Variants in ITPR2 observed in about 807,000 individuals in gnomAD.
The protein encoded by ITPR2 is inositol 1,4,5-trisphosphate-gated calcium channel ITPR2.
Under a neutral mutation model 317.1 loss-of-function variants are expected in ITPR2, and 207 were observed. That is an observed-to-expected ratio of 0.65 (90% CI 0.58 to 0.73). The LOEUF is 0.73. Among genes scored for constraint, ITPR2 ranks in the 30% least tolerant of loss-of-function variants. ITPR2 has a pLI of 0.00. For synonymous variants in ITPR2, 1,156 were observed against 1,149.1 expected (o/e 1.01, Z -0.12); for missense variants, 2,613 against 3,284.0 (o/e 0.80, Z 4.99).
intron 37 of ITPR2, among the ~76,000 whole-genome samples, chr12:26,502,415 A>T (rs1181639141): frequency 6.6e-6 from 1 of 152,248 alleles, no homozygotes; most frequent in Non-Finnish European, 1.5e-5. Flanking sequence ...AAGGAAAATG[A>T]CTGTATTCAC....
chr12:26,725,587 T>C (rs1394209975), intron 3 of ITPR2, 63 bp downstream of exon 3: 2 of 1,093,456 alleles, frequency 1.8e-6, no homozygotes, highest in Middle Eastern at 2.0e-4. Context: ...AAGCTCTAAA[T>C]ACATTTTTAT....
At chr12:26,455,747 T>C (rs531662217) in intron 45 of ITPR2, among the ~76,000 whole-genome samples, 1 of 152,268 alleles carries the variant, frequency 6.6e-6, no homozygotes, top group African/African-American at 2.4e-5. Context: ...AAGAAATATA[T>C]AACCTACTGG....
chr12:26,711,083 C>A, intron 9 of ITPR2, 90 bp downstream of exon 9: 1 of 784,308 alleles, frequency 1.3e-6, no homozygotes. Flanking sequence ...ATGACTGTTC[C>A]TGCAAATACG....
chr12:26,731,604 C>G (rs1456470365), intron 2 of ITPR2, among the ~76,000 whole-genome samples: 1 of 152,008 alleles, frequency 6.6e-6, no homozygotes, highest in African/African-American at 2.4e-5. Flanking sequence ...CAAGGCCAGC[C>G]TGGGCAACAA....
intron 37 of ITPR2, among the ~76,000 whole-genome samples, chr12:26,498,083 TC>T (rs543950562): frequency 5.3e-5 from 8 of 152,314 alleles, no homozygotes; most frequent in Non-Finnish European, 8.8e-5. Flanking sequence ...AGTTTGTTTA[TC>T]CTTGTAACAA....
At position 26,832,790 on chromosome 12, in the gene ITPR2, A is replaced by G; in HGVS notation, c.-9T>C. 1 of 1,593,678 alleles carries G rather than the reference A, an allele frequency of 6.3e-7. No individual in the cohort carries two copies. The highest frequency in any genetic ancestry group is 8.6e-7 in the Non-Finnish European group (1 of 1,168,378). ...GACATTTTCTCAGTCATGCTGCTTCATGTTCCACAGTGGACGTCCCTCTTC... is the reference window on the plus strand; with the variant it reads ...GACATTTTCTCAGTCATGCTGCTTCGTGTTCCACAGTGGACGTCCCTCTTC... On this transcript the variant is annotated 5_prime_UTR_variant, in exon 1 of 57. An upstream start codon of the reference 5' UTR is lost. Coordinates refer to ENST00000381340, the MANE Select transcript of ITPR2 (RefSeq NM_002223.4).
chr12:26,653,048 C>A (rs1947290802), intron 21 of ITPR2, among the ~76,000 whole-genome samples: 1 of 152,170 alleles, frequency 6.6e-6, no homozygotes, highest in Non-Finnish European at 1.5e-5. Flanking sequence ...TTACCATCTT[C>A]ATATCTCAGA....
At position 26,473,728 on chromosome 12, in the gene ITPR2, C is replaced by T. The variant is rs114879712; in HGVS notation, c.6342+1568G>A. 3.4e-3 allele frequency among the ~76,000 whole-genome samples: 512 copies of T among 152,210 alleles called. 1 individual carries two copies. Among genetic ancestry groups the T allele is most frequent in the African/African-American group, 0.012 (488 of 41,528 alleles). On this transcript the variant is annotated intron_variant, in intron 45 of 56. Transcript: ENST00000381340. ...TTTAATTCTCAGCCTGGGATTTTTT[C>T]CTTTCTACTCACATTCAATCTCTAG...
At chr12:26,492,934 T>C (rs1456180957) in intron 39 of ITPR2, among the ~76,000 whole-genome samples, 2 of 148,150 alleles carry the variant, frequency 1.3e-5, no homozygotes, top group Non-Finnish European at 1.5e-5. Context: ...TATATATATA[T>C]ATATATATAA....
At chr12:26,440,532 G>A (rs1266758710) in intron 46 of ITPR2, among the ~76,000 whole-genome samples, 1 of 152,020 alleles carries the variant, frequency 6.6e-6, no homozygotes, top group African/African-American at 2.4e-5. Context: ...TGTCACTGTG[G>A]TATTCTATTA....
chr12:26,713,406 A>G (rs767174545), intron 8 of ITPR2, among the ~76,000 whole-genome samples: 1 of 152,242 alleles, frequency 6.6e-6, no homozygotes, highest in Non-Finnish European at 1.5e-5. Flanking sequence ...CCACCGATAT[A>G]AACTGGCAAT....
At chr12:26,717,668 G>A (rs1948765319) in intron 5 of ITPR2, among the ~76,000 whole-genome samples, 1 of 152,204 alleles carries the variant, frequency 6.6e-6, no homozygotes, top group African/African-American at 2.4e-5. Flanking sequence ...GTACAAATGT[G>A]AGGGAGGGAA....
chr12:26,814,842 T>C (rs901002109), intron 1 of ITPR2, among the ~76,000 whole-genome samples: 2 of 152,232 alleles, frequency 1.3e-5, no homozygotes, highest in African/African-American at 4.8e-5. Flanking sequence ...ACACTCTTTA[T>C]ACCTTTTCAA....
intron 2 of ITPR2, among the ~76,000 whole-genome samples, chr12:26,763,724 T>C (rs781440676): frequency 6.6e-6 from 1 of 152,126 alleles, no homozygotes; most frequent in Non-Finnish European, 1.5e-5. Flanking sequence ...TCCATTCTTT[T>C]ACTTGCACAG....
At chr12:26,617,721 A>AG (rs1565644031) in intron 26 of ITPR2, among the ~76,000 whole-genome samples, 3,423 of 105,152 alleles carry the variant, frequency 0.033, 57 homozygotes, top group Non-Finnish European at 0.052. Context: ...GGAGGGAAGG[A>AG]GGAAGGGAGG....
chr12:26,567,950 TTATA>T lies in ITPR2; in HGVS notation c.4631-6002_4631-5999del, dbSNP rs371931358. Reference sequence around the variant, plus strand: ...AGAAAAATTCTGGTATATATATATATTATATATATATATATATATTATATATATT... The same window carrying T: ...AGAAAAATTCTGGTATATATATATATTATATATATATATATTATATATATT... On this transcript the variant is annotated intron_variant, in intron 34 of 56. Transcript: ENST00000381340. 5.2e-4 allele frequency among the ~76,000 whole-genome samples: 58 copies of T among 112,190 alleles called. 2 individuals carry two copies. Among genetic ancestry groups the T allele is most frequent in the South Asian group, 1.6e-3 (6 of 3,834 alleles). 73.6% of individuals were successfully genotyped at this position (112,190 alleles called of 152,430 possible).
intron 13 of ITPR2, among the ~76,000 whole-genome samples, chr12:26,675,041 GA>G (rs1238493469): frequency 6.6e-6 from 1 of 152,142 alleles, no homozygotes; most frequent in Non-Finnish European, 1.5e-5. Flanking sequence ...AAAAAGTCAA[GA>G]AACAACAGGT....
intron 2 of ITPR2, among the ~76,000 whole-genome samples, chr12:26,784,211 T>G (rs1950147394): frequency 6.6e-6 from 1 of 151,650 alleles, no homozygotes; most frequent in South Asian, 2.1e-4. Flanking sequence ...TCAGTACAGC[T>G]ACATTTATTC....
intron 2 of ITPR2, among the ~76,000 whole-genome samples, chr12:26,769,094 C>T (rs993052610): frequency 6.6e-6 from 1 of 151,836 alleles, no homozygotes; most frequent in Non-Finnish European, 1.5e-5. Context: ...GGGGAGCCAT[C>T]ACTTTCATTT....
Sources: gnomAD v4.1 joint callset for allele counts (sites outside exome capture counted in the v4.1 genomes callset) on GRCh38, gnomAD v4.1.1 for gene constraint, MANE v1.5 for transcripts, NCBI Gene and HGNC (gene_info 2026-07-23, HGNC 2026-07-21) for gene names.